Variants in DPRX observed in about 807,000 individuals in gnomAD.
The protein encoded by DPRX is divergent-paired related homeobox.
Under a neutral mutation model 8.4 loss-of-function variants are expected in DPRX, and 11 were observed. That is an observed-to-expected ratio of 1.31 (90% CI 0.82 to 2.17). The LOEUF (loss-of-function observed/expected upper bound fraction) is 2.17, where lower values mean the gene tolerates loss of function less well. Among genes scored for constraint, DPRX ranks in the 30% most tolerant of loss-of-function variants. The pLI is 0.00. For missense variants in DPRX, 211 were observed against 236.7 expected (o/e 0.89, Z 0.71); for synonymous variants, 72 against 87.0 (o/e 0.83, Z 0.96).
upstream of DPRX, among the ~76,000 whole-genome samples, chr19:53,630,541 G>A (rs1171081823): frequency 6.6e-6 from 1 of 151,996 alleles, no homozygotes; most frequent in African/African-American, 2.4e-5. Context: ...CTAGGCCTTT[G>A]TAGTCACAGC....
the DPRX span, among the ~76,000 whole-genome samples, chr19:53,622,364 T>C: frequency 6.6e-6 from 1 of 152,012 alleles, no homozygotes; most frequent in East Asian, 1.9e-4. Context: ...GGGCTGGGCG[T>C]GGTGGTTCAT....
chr19:53,617,180 G>A, the DPRX span: 13 of 1,020,366 alleles, frequency 1.3e-5, no homozygotes, highest in Admixed American at 6.8e-5. Context: ...CGTTGGATTC[G>A]TCTGTGTCCT....
chr19:53,630,192 G>A (rs150378066), upstream of DPRX, among the ~76,000 whole-genome samples: 4 of 147,170 alleles, frequency 2.7e-5, no homozygotes, highest in African/African-American at 7.6e-5. Flanking sequence ...TAACCTGGGC[G>A]ACAGAGTGAG....
the DPRX span, among the ~76,000 whole-genome samples, chr19:53,613,973 A>G: frequency 2.7e-5 from 4 of 148,332 alleles, no homozygotes; most frequent in Non-Finnish European, 5.9e-5. Context: ...TTTTTTTGAG[A>G]CAAAGTCTCA....
At chr19:53,610,312 T>C in the DPRX span, among the ~76,000 whole-genome samples, 1 of 126,942 alleles carries the variant, frequency 7.9e-6, no homozygotes, top group African/African-American at 3.1e-5. Flanking sequence ...AGAGCAAGAC[T>C]CTGTCTCGAA....
chr19:53,619,372 C>G, the DPRX span, among the ~76,000 whole-genome samples: 1 of 152,008 alleles, frequency 6.6e-6, no homozygotes, highest in Non-Finnish European at 1.5e-5. Flanking sequence ...AACTCTGTCT[C>G]TACTAAAAAT....
chr19:53,616,628 C>G, the DPRX span, among the ~76,000 whole-genome samples: 1 of 152,146 alleles, frequency 6.6e-6, no homozygotes, highest in East Asian at 1.9e-4. Context: ...GTGGTGCATG[C>G]CTGTAATTCC....
At chr19:53,615,049 GATCT>G in the DPRX span, among the ~76,000 whole-genome samples, 5 of 151,840 alleles carry the variant, frequency 3.3e-5, no homozygotes, top group South Asian at 2.1e-4. Flanking sequence ...TTGTTCTGTT[GATCT>G]ATCTAATTTT....
At chr19:53,620,316 A>G in the DPRX span, among the ~76,000 whole-genome samples, 76 of 151,254 alleles carry the variant, frequency 5.0e-4, no homozygotes, top group South Asian at 2.7e-3. Flanking sequence ...TGATCCGCCC[A>G]CCTTGGCCTC....
the DPRX span, among the ~76,000 whole-genome samples, chr19:53,607,991 G>T: frequency 1.3e-5 from 2 of 151,520 alleles, no homozygotes; most frequent in African/African-American, 4.8e-5. Context: ...TGGCCAACGT[G>T]GTAAAACCCC....
intron 2 of DPRX, among the ~76,000 whole-genome samples, chr19:53,635,017 G>A (rs1195803350): frequency 6.6e-6 from 1 of 152,186 alleles, no homozygotes; most frequent in Non-Finnish European, 1.5e-5. Context: ...CTTTTACTCA[G>A]GTTGGAGCAC....
At chr19:53,621,193 C>T in the DPRX span, among the ~76,000 whole-genome samples, 1 of 151,876 alleles carries the variant, frequency 6.6e-6, no homozygotes, top group Non-Finnish European at 1.5e-5. Flanking sequence ...ATTGCAGGGG[C>T]ACAATTAAGG....
chr19:53,603,789 G>A, the DPRX span, among the ~76,000 whole-genome samples: 1 of 146,900 alleles, frequency 6.8e-6, no homozygotes, highest in Non-Finnish European at 1.5e-5. Context: ...TGTCACCCAG[G>A]CTGGATTGCA....
chr19:53,615,129 C>T, the DPRX span, among the ~76,000 whole-genome samples: 2 of 151,780 alleles, frequency 1.3e-5, no homozygotes, highest in Non-Finnish European at 2.9e-5. Context: ...TGCCATCATG[C>T]CCAGCTAATT....
At chr19:53,601,315 A>G in the DPRX span, 1 of 456,596 alleles carries the variant, frequency 2.2e-6, no homozygotes, top group Non-Finnish European at 4.4e-6. Context: ...GGTCATCTGC[A>G]TCATCAGGTA....
At chr19:53,628,778 G>A (rs2122153010), upstream of DPRX, among the ~76,000 whole-genome samples, 1 of 151,796 alleles carries the variant, frequency 6.6e-6, no homozygotes, top group Non-Finnish European at 1.5e-5. Flanking sequence ...TAGTAGAGAT[G>A]AGGTTTCTCC....
the DPRX span, among the ~76,000 whole-genome samples, chr19:53,619,827 C>G: frequency 6.8e-6 from 1 of 147,330 alleles, no homozygotes; most frequent in Admixed American, 7.0e-5. Flanking sequence ...TGCACTCCAG[C>G]CTGGGTGACA....
chr19:53,624,913 C>T, the DPRX span, among the ~76,000 whole-genome samples: 3 of 151,754 alleles, frequency 2.0e-5, no homozygotes, highest in Non-Finnish European at 2.9e-5. Flanking sequence ...GGCGTGTTCC[C>T]GGTGGTATGG....
chr19:53,615,846 C>A, the DPRX span, among the ~76,000 whole-genome samples: 5 of 150,234 alleles, frequency 3.3e-5, no homozygotes, highest in Non-Finnish European at 7.4e-5. Flanking sequence ...CTCACACCTG[C>A]AATCCTAGCA....
Sources: allele counts gnomAD v4.1 joint callset (sites outside exome capture counted in the v4.1 genomes callset), GRCh38; gene constraint gnomAD v4.1.1; transcripts MANE v1.5; gene names NCBI Gene and HGNC (gene_info 2026-07-23, HGNC 2026-07-21).